The following TTC29 variants were observed in gnomAD, a reference collection of about 807,000 sequenced individuals.
TTC29 encodes the protein tetratricopeptide repeat protein 29.
In TTC29, 49 loss-of-function variants were observed where a neutral mutation model predicts 58.1. The ratio of observed to expected loss-of-function variants is 0.84; its 90% CI spans 0.67 to 1.07. TTC29 has a LOEUF of 1.07. Among genes scored for constraint, TTC29 ranks in the 50% least tolerant of loss-of-function variants. TTC29 has a pLI of 0.00. For missense variants in TTC29, 582 were observed against 555.6 expected (o/e 1.05, Z -0.48); for synonymous variants, 209 against 196.8 (o/e 1.06, Z -0.52).
At chr4:146,752,265 C>T (rs1317857949) in intron 11 of TTC29, among the ~76,000 whole-genome samples, 8 of 148,116 alleles carry the variant, frequency 5.4e-5, no homozygotes, top group African/African-American at 1.0e-4. Context: ...CATTCTTATA[C>T]GCCAATAACA....
At chr4:146,715,599 TAG>T (rs1442203543) in intron 11 of TTC29, among the ~76,000 whole-genome samples, 3 of 152,002 alleles carry the variant, frequency 2.0e-5, no homozygotes, top group African/African-American at 4.8e-5. Context: ...TAGTGGGTAT[TAG>T]AGGCTGGGAA....
chr4:146,744,767 C>A (rs188535977), intron 11 of TTC29, among the ~76,000 whole-genome samples: 6 of 152,188 alleles, frequency 3.9e-5, no homozygotes, highest in Admixed American at 3.3e-4. Flanking sequence ...GCAGAGATTA[C>A]ATTTATATTT....
At chr4:146,719,748 C>T (rs1436718497) in intron 11 of TTC29, among the ~76,000 whole-genome samples, 2 of 152,064 alleles carry the variant, frequency 1.3e-5, no homozygotes, top group African/African-American at 4.8e-5. Flanking sequence ...GAAATCAAAT[C>T]TAGGGTTTCC....
At chr4:146,780,660 AT>A (rs1344261846) in intron 11 of TTC29, among the ~76,000 whole-genome samples, 1 of 151,928 alleles carries the variant, frequency 6.6e-6, no homozygotes, top group Non-Finnish European at 1.5e-5. Context: ...CATCTCTTAA[AT>A]TGCTGAAGAA....
intron 11 of TTC29, among the ~76,000 whole-genome samples, chr4:146,722,735 G>A (rs1743462782): frequency 6.6e-6 from 1 of 151,152 alleles, no homozygotes; most frequent in East Asian, 2.0e-4. Context: ...GTCTCACTCT[G>A]TTTCCAGATT....
At chr4:146,769,944 G>C (rs1396251030) in intron 11 of TTC29, among the ~76,000 whole-genome samples, 1 of 151,948 alleles carries the variant, frequency 6.6e-6, no homozygotes, top group Non-Finnish European at 1.5e-5. Context: ...CCCTTAAGTA[G>C]GCAGGCTAAA....
At chr4:146,813,822 A>G (rs1012159086) in intron 10 of TTC29, among the ~76,000 whole-genome samples, 2 of 152,186 alleles carry the variant, frequency 1.3e-5, no homozygotes, top group African/African-American at 4.8e-5. Flanking sequence ...CGTCTCTATG[A>G]AAAATACAAA....
intron 2 of TTC29, among the ~76,000 whole-genome samples, chr4:146,941,765 C>T (rs1736419676): frequency 6.6e-6 from 1 of 152,130 alleles, no homozygotes; most frequent in Non-Finnish European, 1.5e-5. Flanking sequence ...CACGATCTGA[C>T]TTGCATCCTG....
chr4:146,803,374 T>G, intron 11 of TTC29, 83 bp downstream of exon 11: 2 of 1,005,100 alleles, frequency 2.0e-6, no homozygotes, highest in Non-Finnish European at 2.9e-6. Context: ...ATCACCGACA[T>G]TTGAGTGAAA....
At chr4:146,824,539 C>T (rs752402415) in intron 9 of TTC29, among the ~76,000 whole-genome samples, 7 of 146,146 alleles carry the variant, frequency 4.8e-5, no homozygotes, top group South Asian at 2.2e-4. Context: ...TGATGTTCAT[C>T]GGGGATATTG....
intron 11 of TTC29, among the ~76,000 whole-genome samples, chr4:146,728,785 G>GTT (rs1744020526): frequency 8.4e-6 from 1 of 119,268 alleles, no homozygotes; most frequent in Admixed American, 8.1e-5. Flanking sequence ...ATATATATGT[G>GTT]TATATATACG....
intron 11 of TTC29, among the ~76,000 whole-genome samples, chr4:146,797,678 C>A (rs1749918610): frequency 6.6e-6 from 1 of 151,458 alleles, no homozygotes; most frequent in African/African-American, 2.4e-5. Context: ...TAACATATTT[C>A]TTTTTATCAC....
intron 11 of TTC29, among the ~76,000 whole-genome samples, chr4:146,714,678 C>T (rs917632943): frequency 1.3e-5 from 2 of 151,704 alleles, no homozygotes; most frequent in Non-Finnish European, 2.9e-5. Context: ...AAAATAAAGG[C>T]TTTTCAGACA....
At chr4:146,821,583 C>A (rs1177414460) in intron 9 of TTC29, among the ~76,000 whole-genome samples, 1 of 152,172 alleles carries the variant, frequency 6.6e-6, no homozygotes, top group Non-Finnish European at 1.5e-5. Context: ...CATATAATTT[C>A]TAGCAGAGAA....
chr4:146,810,869 A>ATATTT (rs1554017618), intron 10 of TTC29, among the ~76,000 whole-genome samples: 1 of 151,836 alleles, frequency 6.6e-6, no homozygotes, highest in Admixed American at 6.6e-5. Flanking sequence ...TGGGATTACT[A>ATATTT]TGTTTTGTTT....
chr4:146,834,712 C>T (rs753549615), intron 8 of TTC29, among the ~76,000 whole-genome samples: 5 of 152,070 alleles, frequency 3.3e-5, no homozygotes, highest in Admixed American at 1.3e-4. Context: ...AGTCATTTGA[C>T]GGCATTTGGA....
At chr4:146,719,778 T>C (rs181981921) in intron 11 of TTC29, among the ~76,000 whole-genome samples, 2 of 152,284 alleles carry the variant, frequency 1.3e-5, no homozygotes, top group Admixed American at 1.3e-4. Flanking sequence ...GTTGTTGTCT[T>C]TATTTCATTA....
intron 11 of TTC29, among the ~76,000 whole-genome samples, chr4:146,714,367 T>C (rs190172748): frequency 1.3e-5 from 2 of 151,672 alleles, no homozygotes; most frequent in African/African-American, 4.8e-5. Flanking sequence ...AACCTCAAAA[T>C]GAAGAAAGAA....
Position 146,855,777 on chromosome 4 carries a change from A to C in TTC29, c.885+11721T>G, listed in dbSNP as rs373961952. ...AAGTTTTAATATATTTGATTACATTATTTCTTTCTGAAGTTACCCCTTTCA... is the reference window on the plus strand; with the variant it reads ...AAGTTTTAATATATTTGATTACATTCTTTCTTTCTGAAGTTACCCCTTTCA... On this transcript the variant is annotated intron_variant, in intron 8 of 12. Coordinates refer to ENST00000325106, the MANE Select transcript of TTC29 (RefSeq NM_031956.4). Among the ~76,000 whole-genome samples, 3 of 152,304 alleles carry C rather than the reference A, an allele frequency of 2.0e-5. No homozygotes were observed. The East Asian group carries it at 5.8e-4, about 29-fold the overall frequency.
Sources: gnomAD v4.1 joint callset for allele counts (sites outside exome capture counted in the v4.1 genomes callset) on GRCh38, gnomAD v4.1.1 for gene constraint, MANE v1.5 for transcripts, NCBI Gene and HGNC (gene_info 2026-07-23, HGNC 2026-07-21) for gene names.